Variants in PRKCZ observed in about 807,000 individuals in gnomAD.
PRKCZ encodes the protein protein kinase C zeta.
PRKCZ carries 33 observed loss-of-function variants against 79.5 expected under a neutral mutation model. The observed-to-expected ratio is 0.41, with a 90% CI of 0.31 to 0.55. The LOEUF (loss-of-function observed/expected upper bound fraction) is 0.55, where lower values mean the gene tolerates loss of function less well. Among genes scored for constraint, PRKCZ ranks in the 20% least tolerant of loss-of-function variants. PRKCZ has a pLI of 0.19. For missense variants in PRKCZ, 578 were observed against 813.5 expected (o/e 0.71, Z 3.52); for synonymous variants, 342 against 320.9 (o/e 1.07, Z -0.70).
chr1:2,148,969 A>G (rs1280372410), intron 8 of PRKCZ, 45 bp downstream of exon 8: 1 of 1,585,796 alleles, frequency 6.3e-7, no homozygotes, highest in Non-Finnish European at 8.7e-7. Flanking sequence ...CGTCCTCTGG[A>G]AAGTCTGTGA....
At chr1:2,102,523 G>T (rs572845659) in intron 4 of PRKCZ, among the ~76,000 whole-genome samples, 1 of 151,710 alleles carries the variant, frequency 6.6e-6, no homozygotes, top group South Asian at 2.1e-4. Flanking sequence ...TAGTAGAGAT[G>T]GGGTTTCACT....
At chr1:2,144,599 G>T in intron 6 of PRKCZ, 1 of 1,332,542 alleles carries the variant, frequency 7.5e-7, no homozygotes, top group African/African-American at 1.5e-5. Context: ...GACGTGGTAC[G>T]CTCTGCTCAG....
chr1:2,074,117 A>T (rs1374404817), intron 4 of PRKCZ: 2 of 1,519,192 alleles, frequency 1.3e-6, no homozygotes, highest in Admixed American at 2.0e-5. Context: ...CGGCCCGGGG[A>T]AGGCGTGCGG....
chr1:2,170,358 C>T lies in PRKCZ; in HGVS notation c.1061+754C>T, dbSNP rs1239283892. 2.0e-5 allele frequency among the ~76,000 whole-genome samples: 3 copies of T among 152,172 alleles called. No individual in the cohort carries two copies. The East Asian group carries it at 5.8e-4, about 29-fold the overall frequency. ...ACCTTTCCTGTCTTTTGTAGTTTCTCCTTTTCCTCATTTCCTTACTTAAGA... is the reference window on the plus strand; with the variant it reads ...ACCTTTCCTGTCTTTTGTAGTTTCTTCTTTTCCTCATTTCCTTACTTAAGA... On this transcript the variant is annotated intron_variant, in intron 11 of 17. Coordinates refer to ENST00000378567, the MANE Select transcript of PRKCZ (RefSeq NM_002744.6).
chr1:2,136,582 C>G (rs547758009), intron 5 of PRKCZ, among the ~76,000 whole-genome samples: 110 of 152,154 alleles, frequency 7.2e-4, no homozygotes, highest in Admixed American at 2.4e-3. Flanking sequence ...GTTGGGGACA[C>G]CAGGAAATGG....
rs1174762941 is a variant in PRKCZ at position 2,094,492 on chromosome 1, G to A, written c.334+34901G>A. Among the ~76,000 whole-genome samples the A allele has an allele frequency of 1.4e-5, 2 of 141,956 alleles. No homozygotes were observed. Among genetic ancestry groups the A allele is most frequent in the Admixed American group, 6.9e-5 (1 of 14,438 alleles). 93.1% of individuals were successfully genotyped at this position (141,956 alleles called of 152,430 possible). A position where few individuals can be genotyped will look rare whatever the true frequency, so the allele number is the denominator to read the frequency against. On this transcript the variant is annotated intron_variant, in intron 4 of 17. Transcript: ENST00000378567. This position sits in a 1 kb window ranked among gnomAD's most constrained non-coding sequence, Gnocchi z 7.3. ...CCTTGGGCGCTGCCCGTTCTGAGGC[G>A]CCCTCTGTGCCCGGCTCGTTGAACC...
intron 9 of PRKCZ, among the ~76,000 whole-genome samples, chr1:2,155,054 G>A (rs1460565735): frequency 6.6e-6 from 1 of 152,224 alleles, no homozygotes; most frequent in African/African-American, 2.4e-5. Context: ...ACCACCAGAG[G>A]CCAGCATACA....
rs1685016256 is a variant in PRKCZ, at chr1:2,174,239, C to T, written c.1405+223C>T. On this transcript the variant is annotated intron_variant, in intron 14 of 17. Transcript: ENST00000378567. This position sits in a 1 kb window ranked among gnomAD's most constrained non-coding sequence, Gnocchi z 6.2. Reference sequence around the variant, plus strand: ...GTCAGCAGGAAAGAGAACCTGTCCCCATTCAGCTCCAACTCCCTCCTGCCC... The same window carrying T: ...GTCAGCAGGAAAGAGAACCTGTCCCTATTCAGCTCCAACTCCCTCCTGCCC... Among the ~76,000 whole-genome samples, 1 of 152,216 alleles carries T rather than the reference C, an allele frequency of 6.6e-6. No individual in the cohort carries two copies. The highest frequency in any genetic ancestry group is 1.5e-5 in the Non-Finnish European group (1 of 68,028).
rs141182977 is a variant in PRKCZ, at chr1:2,178,743, G to A, written c.1575+3430G>A. On this transcript the variant is annotated intron_variant, in intron 16 of 17. Coordinates refer to ENST00000378567, the MANE Select transcript of PRKCZ (RefSeq NM_002744.6). The surrounding 1 kb of genome is among the most constrained non-coding windows in gnomAD (Gnocchi z 4.3). ...GGGCACAGCTTGAGAACAGTCCCTC[G>A]GTGGGTGTCAGCTCCATGTGGGAGT... Among the ~76,000 whole-genome samples, 119 of 152,298 alleles carry A rather than the reference G, an allele frequency of 7.8e-4. No homozygotes were observed. Among genetic ancestry groups the A allele is most frequent in the African/African-American group, 2.6e-3 (106 of 41,544 alleles).
chr1:2,092,467 T>A (rs1665692412), intron 4 of PRKCZ, among the ~76,000 whole-genome samples: 2 of 152,156 alleles, frequency 1.3e-5, no homozygotes, highest in Admixed American at 6.5e-5. Flanking sequence ...CCCTCCCCCT[T>A]TTTCAGAGCA....
At chr1:2,093,154 C>T (rs902792477) in intron 4 of PRKCZ, among the ~76,000 whole-genome samples, 1 of 151,650 alleles carries the variant, frequency 6.6e-6, no homozygotes, top group Non-Finnish European at 1.5e-5. Context: ...AGAGACCTGG[C>T]GGGAGAGGAG....
In PRKCZ at chr1:2,106,810, G is replaced by A. The variant is rs1363579626; in HGVS notation, c.335-28452G>A. Among the ~76,000 whole-genome samples the A allele has an allele frequency of 3.2e-5, 4 of 123,470 alleles. 2 individuals carry two copies. The highest frequency in any genetic ancestry group is 7.3e-5 in the Non-Finnish European group (4 of 55,122). The allele number at this position is 123,470 out of a possible 152,430, so 81.0% of individuals were successfully genotyped here. A position where few individuals can be genotyped will look rare whatever the true frequency, so the allele number is the denominator to read the frequency against. On this transcript the variant is annotated intron_variant, in intron 4 of 17. Transcript: ENST00000378567. ...ACCAGGCCAGGTGACTCTTCAGCAG[G>A]CCCCTCTGGTGGGCGAGGACCTCCA...
chr1:2,120,127 A>G (rs1244190876), intron 4 of PRKCZ, among the ~76,000 whole-genome samples: 1 of 152,090 alleles, frequency 6.6e-6, no homozygotes, highest in Non-Finnish European at 1.5e-5. Context: ...CCTGGAAGGC[A>G]ACATCTCTTT....
chr1:2,092,716 A>T (rs1180894241), intron 4 of PRKCZ, among the ~76,000 whole-genome samples: 1 of 152,208 alleles, frequency 6.6e-6, no homozygotes, highest in Non-Finnish European at 1.5e-5. Flanking sequence ...AAATTTAATT[A>T]TTTTTAAGCA....
intron 17 of PRKCZ, 55 bp from the exon 18 acceptor site, chr1:2,184,867 C>A (rs2100596290): frequency 1.3e-6 from 2 of 1,510,794 alleles, no homozygotes; most frequent in East Asian, 2.3e-5. Context: ...CTCCGCTTCC[C>A]CCAAGGGAAT....
intron 4 of PRKCZ, chr1:2,073,524 A>G (rs1661818993): frequency 4.3e-6 from 3 of 698,072 alleles, no homozygotes; most frequent in Non-Finnish European, 5.3e-6. Context: ...CGCATTTTCA[A>G]GGTCCGCTGA....
At chr1:2,064,510 T>C (rs1571127983) in intron 4 of PRKCZ, among the ~76,000 whole-genome samples, 1 of 152,226 alleles carries the variant, frequency 6.6e-6, no homozygotes, top group East Asian at 1.9e-4. Flanking sequence ...GGTTTTATGT[T>C]TAGGTCATGG....
chr1:2,136,492 G>T (rs1031840108), intron 5 of PRKCZ, among the ~76,000 whole-genome samples: 1 of 152,196 alleles, frequency 6.6e-6, no homozygotes, highest in African/African-American at 2.4e-5. Context: ...GGAGGTCAGT[G>T]CAGAGGAGAT....
chr1:2,170,799 C>T (rs1441239426), intron 11 of PRKCZ, among the ~76,000 whole-genome samples: 1 of 152,248 alleles, frequency 6.6e-6, no homozygotes, highest in African/African-American at 2.4e-5. Flanking sequence ...CAAGATTCAT[C>T]CGTGCTGTGG....
Sources: allele counts gnomAD v4.1 joint callset (sites outside exome capture counted in the v4.1 genomes callset), GRCh38; gene constraint gnomAD v4.1.1; non-coding constraint Gnocchi (gnomAD v3.1); transcripts MANE v1.5; gene names NCBI Gene and HGNC (gene_info 2026-07-23, HGNC 2026-07-21).